Variants in COX7B2 observed in about 807,000 individuals in gnomAD.
The protein encoded by COX7B2 is cytochrome c oxidase subunit 7B2, mitochondrial.
For missense variants in COX7B2, 109 were observed against 95.9 expected, an observed-to-expected ratio of 1.14 and a Z score of -0.57; for synonymous variants, 37 against 32.1, an observed-to-expected ratio of 1.15 and a Z score of -0.51.
At chr4:46,832,766 ACTCT>A (rs1715236698) in intron 2 of COX7B2, among the ~76,000 whole-genome samples, 1 of 151,710 alleles carries the variant, frequency 6.6e-6, no homozygotes, top group African/African-American at 2.4e-5. Flanking sequence ...GGACCTCCCC[ACTCT>A]CTCTCACTCC....
At chr4:46,798,899 T>G (rs542707994) in intron 2 of COX7B2, among the ~76,000 whole-genome samples, 14 of 152,162 alleles carry the variant, frequency 9.2e-5, no homozygotes, top group Non-Finnish European at 1.8e-4. Context: ...AGTGGCCTCA[T>G]GACGGAGGAA....
chr4:46,901,026 A>C (rs1036219729), intron 1 of COX7B2, among the ~76,000 whole-genome samples: 1 of 152,234 alleles, frequency 6.6e-6, no homozygotes, highest in Non-Finnish European at 1.5e-5. Flanking sequence ...ACATCTTATT[A>C]TAATTTCTGC....
At chr4:46,803,361 A>C (rs1718767647) in intron 2 of COX7B2, among the ~76,000 whole-genome samples, 1 of 152,186 alleles carries the variant, frequency 6.6e-6, no homozygotes, top group African/African-American at 2.4e-5. Context: ...TTGCCAGATA[A>C]AAAATTTGGG....
chr4:46,788,795 C>T (rs1446575785), intron 2 of COX7B2, among the ~76,000 whole-genome samples: 1 of 152,070 alleles, frequency 6.6e-6, no homozygotes, highest in African/African-American at 2.4e-5. Flanking sequence ...CAGAGAAGTG[C>T]TTGGAAAACA....
At chr4:46,830,303 T>C (rs1577623439) in intron 2 of COX7B2, among the ~76,000 whole-genome samples, 1 of 117,356 alleles carries the variant, frequency 8.5e-6, no homozygotes, top group East Asian at 2.4e-4. Flanking sequence ...CAGCCTGGGC[T>C]ACAGAGCAAG....
intron 1 of COX7B2, among the ~76,000 whole-genome samples, chr4:46,877,648 G>A (rs1295284348): frequency 6.6e-6 from 1 of 152,028 alleles, no homozygotes; most frequent in Admixed American, 6.6e-5. Context: ...AATAATCAAG[G>A]AAGTACAAAT....
chr4:46,790,950 C>T (rs995812893), intron 2 of COX7B2, among the ~76,000 whole-genome samples: 1 of 152,186 alleles, frequency 6.6e-6, no homozygotes, highest in African/African-American at 2.4e-5. Flanking sequence ...TTTGTTTTAG[C>T]CTCAGCTAAT....
intron 2 of COX7B2, among the ~76,000 whole-genome samples, chr4:46,782,122 T>C (rs1353643177): frequency 6.6e-6 from 1 of 152,182 alleles, no homozygotes; most frequent in Non-Finnish European, 1.5e-5. Flanking sequence ...GCTGGGCTCC[T>C]GAATTGAGTG....
At chr4:46,802,461 G>A (rs531423104) in intron 2 of COX7B2, among the ~76,000 whole-genome samples, 27 of 152,244 alleles carry the variant, frequency 1.8e-4, no homozygotes, top group South Asian at 4.1e-4. Context: ...AAATGCTAAC[G>A]TTGGAGATAT....
intron 2 of COX7B2, among the ~76,000 whole-genome samples, chr4:46,765,109 C>A (rs1478703362): frequency 1.3e-5 from 2 of 151,804 alleles, no homozygotes; most frequent in Non-Finnish European, 2.9e-5. Context: ...AAGCTGCCAG[C>A]ACTTGTCCAC....
intron 1 of COX7B2, chr4:46,903,824 A>G (rs932024799): frequency 2.0e-5 from 3 of 152,206 alleles, no homozygotes; most frequent in African/African-American, 7.2e-5. Flanking sequence ...AAGCTATACC[A>G]TCTAGGTTTG....
chr4:46,871,671 G>T (rs1577680197), intron 1 of COX7B2, among the ~76,000 whole-genome samples: 1 of 147,762 alleles, frequency 6.8e-6, no homozygotes, highest in South Asian at 2.1e-4. Context: ...GTGGGCAAAA[G>T]ACATGAACAG....
At chr4:46,791,945 A>ACC (rs1298524568) in intron 2 of COX7B2, among the ~76,000 whole-genome samples, 1 of 152,214 alleles carries the variant, frequency 6.6e-6, no homozygotes, top group African/African-American at 2.4e-5. Flanking sequence ...TGGGGTTTAT[A>ACC]CCAGTAAAAT....
chr4:46,907,231 T>C (rs545329865), intron 1 of COX7B2, among the ~76,000 whole-genome samples: 2 of 152,330 alleles, frequency 1.3e-5, no homozygotes, highest in East Asian at 3.9e-4. Context: ...TCTATTTCCC[T>C]CTACTTGAAC....
At chr4:46,747,206 GCCCTCCA>G (rs1560349121) in intron 2 of COX7B2, among the ~76,000 whole-genome samples, 1 of 151,656 alleles carries the variant, frequency 6.6e-6, no homozygotes, top group African/African-American at 2.4e-5. Flanking sequence ...CCTTTCTCCC[GCCCTCCA>G]CCCTCCAAAA....
In COX7B2 at chr4:46,735,114, G is replaced by A. The variant is rs1407469698; in HGVS notation, c.79C>T (p.His27Tyr). ...SILQSMARHS[H>Y]VKHSPDFHDK... ...TGAAAATCTGGTGAGTGTTTTACAT[G>A]GCTATGTCTTGCCATGCTTTGCAGA... Residue 27 changes from histidine (H) to tyrosine (Y), a missense_variant, in exon 3 of 3, where the codon CAT becomes TAT. By Grantham distance (83) the His-to-Tyr change is moderately conservative. Transcript: ENST00000355591. 1 of 1,613,886 alleles carries A rather than the reference G, an allele frequency of 6.2e-7. No homozygotes were observed. The highest frequency in any genetic ancestry group is 8.5e-7 in the Non-Finnish European group (1 of 1,179,888).
At chr4:46,793,937 C>G (rs2109594803) in intron 2 of COX7B2, among the ~76,000 whole-genome samples, 1 of 152,248 alleles carries the variant, frequency 6.6e-6, no homozygotes, top group Admixed American at 6.5e-5. Context: ...CATCTACATT[C>G]ATAGTGGTAT....
At chr4:46,803,567 C>G (rs989856942) in intron 2 of COX7B2, among the ~76,000 whole-genome samples, 1 of 151,964 alleles carries the variant, frequency 6.6e-6, no homozygotes, top group African/African-American at 2.4e-5. Context: ...TAATTATATG[C>G]TTACACTTTC....
chr4:46,792,380 A>C (rs1003202866), intron 2 of COX7B2, among the ~76,000 whole-genome samples: 6 of 152,154 alleles, frequency 3.9e-5, no homozygotes, highest in Non-Finnish European at 7.4e-5. Context: ...ATTACACTAG[A>C]ATGGGTGGAT....
Sources: allele counts gnomAD v4.1 joint callset (sites outside exome capture counted in the v4.1 genomes callset), GRCh38; gene constraint gnomAD v4.1.1; transcripts MANE v1.5; gene names NCBI Gene and HGNC (gene_info 2026-07-23, HGNC 2026-07-21).